PRKAR1B: variants seen among roughly 807,000 people sequenced by gnomAD.
PRKAR1B encodes the protein protein kinase cAMP-dependent type I regulatory subunit beta.
PRKAR1B carries 22 observed loss-of-function variants against 46.5 expected under a neutral mutation model. That is an observed-to-expected ratio of 0.47 (90% CI 0.34 to 0.68). PRKAR1B has a LOEUF of 0.68. PRKAR1B is among the 30% of genes least tolerant of loss of function. The probability of loss-of-function intolerance (pLI) is 0.01; values close to 1 mark genes in which losing one functional copy is unlikely to be tolerated. For missense variants in PRKAR1B, 445 were observed against 535.6 expected (o/e 0.83, Z 1.67); for synonymous variants, 259 against 217.7 (o/e 1.19, Z -1.67).
chr7:648,308 G>C (rs1040787473), intron 4 of PRKAR1B, among the ~76,000 whole-genome samples: 2 of 151,674 alleles, frequency 1.3e-5, no homozygotes, highest in Non-Finnish European at 2.9e-5. Flanking sequence ...TTTAAACATA[G>C]CCAATGAAAT....
chr7:614,095 G>T (rs1047490568), intron 4 of PRKAR1B, among the ~76,000 whole-genome samples: 2 of 152,198 alleles, frequency 1.3e-5, no homozygotes, highest in East Asian at 3.9e-4. Flanking sequence ...GATGACAGAC[G>T]CCTGCAGACT....
At chr7:610,528 G>C (rs1782422076) in intron 4 of PRKAR1B, among the ~76,000 whole-genome samples, 5 of 152,166 alleles carry the variant, frequency 3.3e-5, no homozygotes, top group Admixed American at 3.3e-4. Flanking sequence ...GTACCAAAAA[G>C]GTCTGGGAGC....
intron 9 of PRKAR1B, among the ~76,000 whole-genome samples, chr7:558,808 C>A (rs1778608555): frequency 6.6e-6 from 1 of 152,162 alleles, no homozygotes; most frequent in African/African-American, 2.4e-5. Flanking sequence ...CATCAGCTTC[C>A]TTGGAAGGGG....
intron 2 of PRKAR1B, among the ~76,000 whole-genome samples, chr7:706,310 A>C (rs532997163): frequency 1.3e-5 from 2 of 152,132 alleles, no homozygotes; most frequent in African/African-American, 4.8e-5. Context: ...TGGACAACAG[A>C]GCCAGACCCT....
chr7:680,763 A>G, intron 2 of PRKAR1B, 37 bp from the exon 3 acceptor site: 1 of 1,612,338 alleles, frequency 6.2e-7, no homozygotes, highest in East Asian at 2.2e-5. Flanking sequence ...GGAAGTAAGA[A>G]CCTGGCTGTC....
intron 4 of PRKAR1B, among the ~76,000 whole-genome samples, chr7:658,452 G>C (rs1202016247): frequency 6.6e-6 from 1 of 152,028 alleles, no homozygotes; most frequent in Non-Finnish European, 1.5e-5. Flanking sequence ...AACAAAGTTA[G>C]CATCTTACAC....
At chr7:558,874 G>A (rs930801372) in intron 9 of PRKAR1B, among the ~76,000 whole-genome samples, 2 of 152,208 alleles carry the variant, frequency 1.3e-5, no homozygotes, top group African/African-American at 4.8e-5. Context: ...AGCCTCCAAC[G>A]CTTCGGCTCA....
chr7:549,568 G>A lies in PRKAR1B; in HGVS notation c.*862C>T, dbSNP rs1297417910. ...GATCCAAGACACATTTAAGGGACAAGTCGGTTGAGCGGGTCGGGGCGTGTG... is the reference window on the plus strand; with the variant it reads ...GATCCAAGACACATTTAAGGGACAAATCGGTTGAGCGGGTCGGGGCGTGTG... On this transcript the variant is annotated 3_prime_UTR_variant, in exon 11 of 11. Transcript: ENST00000537384. 1 of 152,396 alleles carries A rather than the reference G, an allele frequency of 6.6e-6. No homozygotes were observed. The highest frequency in any genetic ancestry group is 1.5e-5 in the Non-Finnish European group (1 of 68,172). 9.4% of individuals were successfully genotyped at this position (152,396 alleles called of 1,614,324 possible). A position where few individuals can be genotyped will look rare whatever the true frequency, so the allele number is the denominator to read the frequency against.
chr7:599,035 C>A (rs557845217), intron 6 of PRKAR1B, among the ~76,000 whole-genome samples: 1 of 152,350 alleles, frequency 6.6e-6, no homozygotes, highest in South Asian at 2.1e-4. Context: ...GCAGGCAGGA[C>A]CCAGGGAAGC....
chr7:643,957 G>C (rs12720007), intron 4 of PRKAR1B, among the ~76,000 whole-genome samples: 1 of 152,018 alleles, frequency 6.6e-6, no homozygotes, highest in South Asian at 2.1e-4. Context: ...CAGACATCGC[G>C]GGGCAGGGAC....
At chr7:601,464 A>G (rs1781590659) in intron 6 of PRKAR1B, among the ~76,000 whole-genome samples, 1 of 152,212 alleles carries the variant, frequency 6.6e-6, no homozygotes, top group African/African-American at 2.4e-5. Context: ...CGGGCTACCC[A>G]ACATGCCACT....
chr7:722,831 T>A (rs1269147251), intron 1 of PRKAR1B, among the ~76,000 whole-genome samples: 1 of 152,220 alleles, frequency 6.6e-6, no homozygotes, highest in African/African-American at 2.4e-5. Flanking sequence ...TGGGTTACGA[T>A]GTTTGCAGAC....
chr7:720,322 T>G (rs1159018824), intron 1 of PRKAR1B, among the ~76,000 whole-genome samples: 1 of 152,154 alleles, frequency 6.6e-6, no homozygotes, highest in Non-Finnish European at 1.5e-5. Context: ...CCTCCCAAAG[T>G]GCTGGGATAA....
At chr7:650,568 G>A (rs989516184) in intron 4 of PRKAR1B, among the ~76,000 whole-genome samples, 3 of 152,126 alleles carry the variant, frequency 2.0e-5, no homozygotes, top group South Asian at 2.1e-4. Flanking sequence ...ACAGCCTCCC[G>A]CCCCTGCACA....
At chr7:679,631 T>C (rs1583407071) in intron 3 of PRKAR1B, among the ~76,000 whole-genome samples, 2 of 152,308 alleles carry the variant, frequency 1.3e-5, no homozygotes, top group East Asian at 3.9e-4. Flanking sequence ...GTTCTGGAGA[T>C]GGTGGTGGTG....
intron 4 of PRKAR1B, among the ~76,000 whole-genome samples, chr7:672,472 T>A (rs1786314377): frequency 6.6e-6 from 1 of 152,114 alleles, no homozygotes; most frequent in African/African-American, 2.4e-5. Flanking sequence ...AATTTTGAAT[T>A]CAGGTGCAAA....
At chr7:577,928 T>C (rs1779952458) in intron 9 of PRKAR1B, among the ~76,000 whole-genome samples, 3 of 152,226 alleles carry the variant, frequency 2.0e-5, no homozygotes, top group Admixed American at 1.3e-4. Context: ...TGCAGTCCCA[T>C]TTATACCCAC....
chr7:631,324 G>A (rs1009210464), intron 4 of PRKAR1B, among the ~76,000 whole-genome samples: 2 of 152,296 alleles, frequency 1.3e-5, no homozygotes, highest in Admixed American at 6.5e-5. Flanking sequence ...TGTGGACAGC[G>A]GCCCACCTCT....
intron 9 of PRKAR1B, among the ~76,000 whole-genome samples, chr7:559,657 G>A (rs755707102): frequency 2.6e-5 from 4 of 152,204 alleles, no homozygotes; most frequent in African/African-American, 9.7e-5. Context: ...CGCCACACGC[G>A]TGTGCAGGCA....
Sources: gnomAD v4.1 joint callset for allele counts (sites outside exome capture counted in the v4.1 genomes callset) on GRCh38, gnomAD v4.1.1 for gene constraint, MANE v1.5 for transcripts, NCBI Gene and HGNC (gene_info 2026-07-23, HGNC 2026-07-21) for gene names.